LRP6: variants seen among roughly 807,000 people sequenced by gnomAD.
LRP6 encodes low-density lipoprotein receptor-related protein 6.
A neutral mutation model predicts 184.1 loss-of-function variants in LRP6; 43 were observed. The observed-to-expected ratio is 0.23, with a 90% confidence interval of 0.18 to 0.30. The LOEUF is 0.30. Among genes scored for constraint, LRP6 ranks in the 10% least tolerant of loss-of-function variants. The pLI, the probability that LRP6 is intolerant of heterozygous loss-of-function variation, is 1.00. For missense variants in LRP6, 1,571 were observed against 2,005.3 expected, an observed-to-expected ratio of 0.78 and a Z score of 4.14; for synonymous variants, 719 against 684.9, an observed-to-expected ratio of 1.05 and a Z score of -0.78.
rs1862763419 is a variant in LRP6 at position 12,162,431 on chromosome 12, C to T, written c.2053-12G>A. On this transcript the variant is annotated splice_polypyrimidine_tract_variant and intron_variant, in intron 9 of 22. Transcript: ENST00000261349. ...GCTCTGCTGATGGTCTGCAAAAGAA[C>T]ATTAACAACTAAGTCATATGGCATA... The T allele has an allele frequency of 1.2e-6, 2 of 1,600,768 alleles. No individual in the cohort carries two copies. The highest frequency in any genetic ancestry group is 1.3e-5 in the African/African-American group (1 of 74,646).
At chr12:12,134,689 A>G (rs2136873622) in intron 17 of LRP6, among the ~76,000 whole-genome samples, 1 of 152,282 alleles carries the variant, frequency 6.6e-6, no homozygotes, top group South Asian at 2.1e-4. Flanking sequence ...AGAATCTACA[A>G]TTTAGTGGAG....
At chr12:12,186,093 C>T (rs892991744) in intron 4 of LRP6, among the ~76,000 whole-genome samples, 1 of 151,996 alleles carries the variant, frequency 6.6e-6, no homozygotes, top group Non-Finnish European at 1.5e-5. Context: ...AGTGATCCAC[C>T]TGCCTTGGCC....
chr12:12,128,608 G>T (rs1305916688), intron 19 of LRP6, among the ~76,000 whole-genome samples: 1 of 151,940 alleles, frequency 6.6e-6, no homozygotes, highest in African/African-American at 2.4e-5. Context: ...AGATTCCAGG[G>T]GTAAAGACAC....
chr12:12,141,068 T>C (rs1173249424), intron 15 of LRP6, among the ~76,000 whole-genome samples: 2 of 151,758 alleles, frequency 1.3e-5, no homozygotes, highest in Non-Finnish European at 2.9e-5. Flanking sequence ...AAAGAATACT[T>C]AATCACAAAG....
At chr12:12,138,830 C>T (rs1372657919) in intron 15 of LRP6, 3 of 1,405,506 alleles carry the variant, frequency 2.1e-6, no homozygotes, top group Middle Eastern at 2.0e-4. Flanking sequence ...CTTATATATA[C>T]AACAGATAAA....
chr12:12,244,550 G>C lies in LRP6; in HGVS notation c.161C>G (p.Ala54Gly). The C allele has an allele frequency of 6.2e-7, 1 of 1,614,158 alleles. No individual in the cohort carries two copies. Among genetic ancestry groups the C allele is most frequent in the Non-Finnish European group, 8.5e-7 (1 of 1,180,030 alleles). ...TIVVGGLEDA[A>G]AVDFVFSHGL... ...ATGACTAAACACAAAGTCCACCGCA[G>C]CTGCATCCTCCAAGCCTCCAACTAC... Residue 54 changes from alanine (A) to glycine (G), a missense_variant, in exon 2 of 23, where the codon GCT becomes GGT. This residue lies in a region of LRP6 where 640 missense variants were observed against 851.9 expected (regional missense o/e 0.75). Coordinates refer to ENST00000261349, the MANE Select transcript of LRP6 (RefSeq NM_002336.3).
At position 12,155,961 on chromosome 12, in the gene LRP6, G is replaced by A. The variant is rs528766983; in HGVS notation, c.2791+2868C>T. On this transcript the variant is annotated intron_variant, in intron 12 of 22. Transcript: ENST00000261349. ...ACCACAGACTAAGTGTTATTCTAAG[G>A]CACATAAGATATGTCAATGAAGAAA... 1.1e-3 allele frequency among the ~76,000 whole-genome samples: 172 copies of A among 151,972 alleles called. 2 individuals are homozygous for A. The Middle Eastern group carries it at 0.017, about 15-fold the overall frequency.
chr12:12,186,447 C>T (rs1035049235), intron 4 of LRP6, among the ~76,000 whole-genome samples: 4 of 151,880 alleles, frequency 2.6e-5, no homozygotes, highest in African/African-American at 9.7e-5. Flanking sequence ...GGCACAATCT[C>T]GGCTCACTGC....
chr12:12,184,248 C>T (rs879817866), intron 4 of LRP6, 137 bp from the exon 5 acceptor site: 4 of 710,562 alleles, frequency 5.6e-6, no homozygotes, highest in Non-Finnish European at 1.0e-5. Context: ...AAACCATCTG[C>T]AAAGACAGGA....
intron 7 of LRP6, among the ~76,000 whole-genome samples, chr12:12,176,021 G>T (rs1223041759): frequency 1.8e-5 from 1 of 54,984 alleles, no homozygotes; most frequent in Admixed American, 2.4e-4. Flanking sequence ...AGTAAAACCT[G>T]ATCCTAAAAA....
At chr12:12,214,327 A>G (rs1864285248) in intron 2 of LRP6, among the ~76,000 whole-genome samples, 1 of 152,212 alleles carries the variant, frequency 6.6e-6, no homozygotes, top group African/African-American at 2.4e-5. Flanking sequence ...GGATACAAAT[A>G]CTTCCTTTAT....
chr12:12,240,880 C>CAGT (rs1405195724), intron 2 of LRP6, among the ~76,000 whole-genome samples: 3 of 152,156 alleles, frequency 2.0e-5, no homozygotes, highest in Non-Finnish European at 4.4e-5. Context: ...TAACATAAGA[C>CAGT]AACTGTTTAC....
At chr12:12,138,770 T>C in intron 15 of LRP6, 1 of 1,490,202 alleles carries the variant, frequency 6.7e-7, no homozygotes, top group Non-Finnish European at 9.0e-7. Context: ...AATATTCTAG[T>C]TCATAGAAAT....
chr12:12,131,131 G>A (rs548467010), intron 18 of LRP6, among the ~76,000 whole-genome samples: 53 of 128,220 alleles, frequency 4.1e-4, no homozygotes, highest in Non-Finnish European at 5.6e-4. Flanking sequence ...TTTTTGAGAC[G>A]GAGTCTTGCT....
At chr12:12,169,462 G>A (rs1462129324) in intron 7 of LRP6, among the ~76,000 whole-genome samples, 1 of 152,136 alleles carries the variant, frequency 6.6e-6, no homozygotes, top group Non-Finnish European at 1.5e-5. Flanking sequence ...GTTTGGATCA[G>A]TGTTAATACT....
intron 12 of LRP6, among the ~76,000 whole-genome samples, chr12:12,155,022 C>T (rs1159875296): frequency 6.6e-6 from 1 of 152,086 alleles, no homozygotes; most frequent in Non-Finnish European, 1.5e-5. Flanking sequence ...ATGGTGAAAT[C>T]CCGTCTCCAC....
chr12:12,162,363 G>A lies in LRP6; in HGVS notation c.2109C>T (p.Gly703=), dbSNP rs750893772. 6.2e-7 allele frequency: 1 copy of A among 1,614,130 alleles called. No homozygotes were observed. Among genetic ancestry groups the A allele is most frequent in the South Asian group, 1.1e-5 (1 of 91,088 alleles). The change falls in exon 10 of 23, where the codon GGC becomes GGT. Residue 703 remains glycine (G), a synonymous_variant. Transcript: ENST00000261349. The stretch of plus-strand genomic sequence containing the variant: ...CTGCCATGCCTTCTGGATAATCTAA[G>A]CCGAATTCTACCACATGTTCCAGTG... ...GSALEHVVEF[G]LDYPEGMAVD...
chr12:12,148,894 GGA>G (rs1565562710), intron 14 of LRP6, 46 bp downstream of exon 14: 2 of 1,330,568 alleles, frequency 1.5e-6, no homozygotes, highest in Admixed American at 3.4e-5. Flanking sequence ...AGAAGGGTGA[GGA>G]GAGTCTCAGA....
intron 20 of LRP6, among the ~76,000 whole-genome samples, chr12:12,125,805 A>G (rs1398047547): frequency 6.6e-6 from 1 of 152,202 alleles, no homozygotes; most frequent in Non-Finnish European, 1.5e-5. Context: ...AAAAGAAAAC[A>G]AAAAAACATT....
Sources: allele counts gnomAD v4.1 joint callset (sites outside exome capture counted in the v4.1 genomes callset), GRCh38; gene constraint gnomAD v4.1.1; regional missense constraint gnomAD v4.1.1; transcripts MANE v1.5; gene names NCBI Gene and HGNC (gene_info 2026-07-23, HGNC 2026-07-21).